Variants in PYROXD2 observed in about 807,000 individuals in gnomAD.
The protein encoded by PYROXD2 is pyridine nucleotide-disulphide oxidoreductase domain 2.
In PYROXD2, 69 loss-of-function variants were observed where a neutral mutation model predicts 71.1. The observed-to-expected ratio is 0.97, with a 90% CI of 0.80 to 1.19. The LOEUF (loss-of-function observed/expected upper bound fraction) is 1.19. Among genes scored for constraint, PYROXD2 ranks in the 50% most tolerant of loss-of-function variants. The probability of loss-of-function intolerance (pLI) is 0.00; values close to 1 mark genes in which losing one functional copy is unlikely to be tolerated. For missense variants in PYROXD2, 745 were observed against 748.9 expected, an observed-to-expected ratio of 0.99 and a Z score of 0.06; for synonymous variants, 287 against 302.7, an observed-to-expected ratio of 0.95 and a Z score of 0.54.
At chr10:98,385,473 AG>A (rs1842720874) in intron 14 of PYROXD2, among the ~76,000 whole-genome samples, 2 of 152,248 alleles carry the variant, frequency 1.3e-5, no homozygotes, top group Non-Finnish European at 2.9e-5. Flanking sequence ...AAGCTCCAGC[AG>A]GATCACTGTG....
At chr10:98,394,543 AAC>A (rs58461142) in intron 8 of PYROXD2, among the ~76,000 whole-genome samples, 63,955 of 141,328 alleles carry the variant, frequency 0.45, 13,998 homozygotes, top group Middle Eastern at 0.5. Flanking sequence ...TCTCCATCCC[AAC>A]ACACACACAC....
chr10:98,403,312 T>C (rs994469932), intron 4 of PYROXD2, among the ~76,000 whole-genome samples: 3 of 152,220 alleles, frequency 2.0e-5, no homozygotes, highest in Admixed American at 6.5e-5. Flanking sequence ...CTCCAGAATC[T>C]GTGCGCGTCT....
chr10:98,393,973 A>G (rs940537745), intron 8 of PYROXD2, among the ~76,000 whole-genome samples: 1 of 151,734 alleles, frequency 6.6e-6, no homozygotes, highest in South Asian at 2.1e-4. Context: ...CCCTCATCTT[A>G]TGTTTTGTTA....
At chr10:98,402,074 A>G (rs1843431715) in intron 4 of PYROXD2, among the ~76,000 whole-genome samples, 2 of 152,208 alleles carry the variant, frequency 1.3e-5, no homozygotes, top group South Asian at 4.1e-4. Context: ...AAACACATGA[A>G]TAATATGTTG....
chr10:98,384,861 T>C, intron 15 of PYROXD2, 86 bp downstream of exon 15: 2 of 1,469,422 alleles, frequency 1.4e-6, no homozygotes, highest in Non-Finnish European at 1.8e-6. Context: ...GCCACCTTCA[T>C]TGCTTAACTT....
intron 6 of PYROXD2, 108 bp from the exon 7 acceptor site, chr10:98,395,560 G>A: frequency 2.1e-6 from 2 of 940,416 alleles, no homozygotes; most frequent in Non-Finnish European, 1.7e-6. Flanking sequence ...CCTGCCAGGA[G>A]GTGGTATAGC....
chr10:98,407,515 C>A, intron 4 of PYROXD2, 67 bp downstream of exon 4: 1 of 1,589,392 alleles, frequency 6.3e-7, no homozygotes, highest in South Asian at 1.1e-5. Context: ...CAGGGACCCC[C>A]CACACAGGTT....
At chr10:98,392,380 A>G (rs1842973699) in intron 10 of PYROXD2, 52 bp downstream of exon 10, 1 of 1,591,966 alleles carries the variant, frequency 6.3e-7, no homozygotes, top group South Asian at 1.1e-5. Context: ...CACGATTTCT[A>G]ACCCCTGTTT....
At chr10:98,392,221 ATCTTGGTCACTTCACCTC>A (rs1842967096) in intron 10 of PYROXD2, among the ~76,000 whole-genome samples, 193 bp downstream of exon 10, 1 of 152,150 alleles carries the variant, frequency 6.6e-6, no homozygotes. Flanking sequence ...AATGGCCGGA[ATCTTGGTCACTTCACCTC>A]TCTGGCCCCT....
At chr10:98,405,029 G>A (rs1176478830) in intron 4 of PYROXD2, among the ~76,000 whole-genome samples, 1 of 152,182 alleles carries the variant, frequency 6.6e-6, no homozygotes, top group Non-Finnish European at 1.5e-5. Context: ...GCCTCTGGCA[G>A]TGAGGTCAAG....
Position 98,410,649 on chromosome 10 carries a change from C to T in PYROXD2, c.147+290G>A. 4 of 488,930 alleles carry T rather than the reference C, an allele frequency of 8.2e-6. No homozygotes were observed. The Admixed American group carries it at 1.5e-4, about 18-fold the overall frequency. 30.3% of individuals were successfully genotyped at this position (488,930 alleles called of 1,614,324 possible). ...CTGTGTTGGTTACATGCTTCCCCAC[C>T]TTGTCAGCTTGTTTCTGGAAGCTCC... On this transcript the variant is annotated intron_variant, in intron 2 of 15. Coordinates refer to ENST00000370575, the MANE Select transcript of PYROXD2 (RefSeq NM_032709.3).
Position 98,383,818 on chromosome 10 carries a change from T to G in PYROXD2, c.1726A>C (p.Arg576=). The G allele has an allele frequency of 2.5e-6, 4 of 1,613,918 alleles. No homozygotes were observed. Among genetic ancestry groups the G allele is most frequent in the Non-Finnish European group, 3.4e-6 (4 of 1,179,964 alleles). Residue 576 remains arginine (R), a synonymous_variant, in exon 16 of 16, where the codon AGG becomes CGG. Transcript: ENST00000370575. ...CAGGGTCACATGCTCTTGAGGTCCC[T>G]AAAGGCCACATGTGCTGCATTTCGC... ...AGRNAAHVAF[R]DLKSM
At position 98,397,499 on chromosome 10, in the gene PYROXD2, C is replaced by T; in HGVS notation, c.472-1G>A. ...TGAACTCCTCATATTTGGGAAAGACCTGGAACAGAGCTCTGCATTAAGGCC... is the reference window on the plus strand; with the variant it reads ...TGAACTCCTCATATTTGGGAAAGACTTGGAACAGAGCTCTGCATTAAGGCC... On this transcript the variant is annotated splice_acceptor_variant, in intron 5 of 15. Coordinates refer to ENST00000370575, the MANE Select transcript of PYROXD2 (RefSeq NM_032709.3). LOFTEE classifies it high-confidence loss of function. 1 of 1,597,036 alleles carries T rather than the reference C, an allele frequency of 6.3e-7. No homozygotes were observed. The highest frequency in any genetic ancestry group is 8.6e-7 in the Non-Finnish European group (1 of 1,168,734).
intron 9 of PYROXD2, 24 bp downstream of exon 9, chr10:98,392,918 G>C (rs1391039467): frequency 3.8e-5 from 61 of 1,609,474 alleles, no homozygotes; most frequent in Non-Finnish European, 5.1e-5. Flanking sequence ...CTAATAATTG[G>C]GGTGGGGTAG....
chr10:98,397,952 G>A (rs567736144), intron 5 of PYROXD2, among the ~76,000 whole-genome samples: 27 of 145,120 alleles, frequency 1.9e-4, no homozygotes, highest in Admixed American at 7.2e-4. Context: ...GTGCGATGTC[G>A]GCTCACTGCA....
rs1491305628 is a variant in PYROXD2, at chr10:98,393,274, G to GTGTGTCTA, written c.786-199_786-192dup. Among the ~76,000 whole-genome samples, 14 of 152,178 alleles carry GTGTGTCTA rather than the reference G, an allele frequency of 9.2e-5. No homozygotes were observed. In the East Asian group the frequency reaches 1.2e-3, roughly 13 times the overall value. ...CTTCTCTACACCCTCTCCCTAACAA[G>GTGTGTCTA]TGTGTCTATGTGCATAGCTTATTAC... is the stretch of plus-strand genomic sequence containing the variant. On this transcript the variant is annotated intron_variant, in intron 8 of 15. Coordinates refer to ENST00000370575, the MANE Select transcript of PYROXD2 (RefSeq NM_032709.3).
chr10:98,383,891 C>T, intron 15 of PYROXD2, 23 bp from the exon 16 acceptor site: 1 of 1,612,418 alleles, frequency 6.2e-7, no homozygotes, highest in Non-Finnish European at 8.5e-7. Flanking sequence ...CTCCTATGAA[C>T]CAAAGCTCCG....
intron 10 of PYROXD2, among the ~76,000 whole-genome samples, 163 bp from the exon 11 acceptor site, chr10:98,391,245 C>T (rs1842936753): frequency 6.6e-6 from 1 of 152,106 alleles, no homozygotes; most frequent in Admixed American, 6.5e-5. Flanking sequence ...TTCCTAGATC[C>T]CCTCCCACTC....
chr10:98,408,036 C>A, intron 2 of PYROXD2, 39 bp from the exon 3 acceptor site: 1 of 1,561,398 alleles, frequency 6.4e-7, no homozygotes, highest in South Asian at 1.2e-5. Context: ...TCCCTTTATC[C>A]CTCTGAAATG....
Sources: gnomAD v4.1 joint callset for allele counts (sites outside exome capture counted in the v4.1 genomes callset) on GRCh38, gnomAD v4.1.1 for gene constraint, MANE v1.5 for transcripts, NCBI Gene and HGNC (gene_info 2026-07-23, HGNC 2026-07-21) for gene names.